The following DNAJC1 variants were observed in gnomAD, a reference collection of about 807,000 sequenced individuals.
DNAJC1 encodes the protein DnaJ heat shock protein family (Hsp40) member C1.
A neutral mutation model predicts 76.6 loss-of-function variants in DNAJC1; 58 were observed. The ratio of observed to expected loss-of-function variants is 0.76; its 90% CI spans 0.61 to 0.94. The LOEUF (loss-of-function observed/expected upper bound fraction) is 0.94, where lower values mean the gene tolerates loss of function less well. Ranked by LOEUF, DNAJC1 falls within the 40% of genes least tolerant of loss-of-function variation. The probability of loss-of-function intolerance (pLI) is 0.00; values close to 1 mark genes in which losing one functional copy is unlikely to be tolerated. For missense variants in DNAJC1, 689 were observed against 677.3 expected, an observed-to-expected ratio of 1.02 and a Z score of -0.19; for synonymous variants, 258 against 267.9, an observed-to-expected ratio of 0.96 and a Z score of 0.36.
intron 7 of DNAJC1, among the ~76,000 whole-genome samples, chr10:21,893,878 ACAAAGAAC>A (rs1836496165): frequency 6.6e-6 from 1 of 152,096 alleles, no homozygotes; most frequent in African/African-American, 2.4e-5. Flanking sequence ...AATCAATTAA[ACAAAGAAC>A]TGATCCTTTG....
intron 7 of DNAJC1, among the ~76,000 whole-genome samples, chr10:21,889,713 C>T (rs76610045): frequency 0.028 from 4,230 of 152,252 alleles, 88 homozygotes; most frequent in Middle Eastern, 0.061. Flanking sequence ...GAAACACTAA[C>T]AGGCACAGAC....
At chr10:21,919,377 T>G (rs2131767971) in intron 5 of DNAJC1, among the ~76,000 whole-genome samples, 1 of 152,158 alleles carries the variant, frequency 6.6e-6, no homozygotes, top group East Asian at 1.9e-4. Flanking sequence ...CAGAATAGTC[T>G]CTGATCTCCA....
intron 9 of DNAJC1, among the ~76,000 whole-genome samples, chr10:21,801,616 A>G (rs1834814215): frequency 1.3e-5 from 2 of 152,146 alleles, no homozygotes; most frequent in South Asian, 4.1e-4. Flanking sequence ...CCTTTCTTTG[A>G]CTCAGCAATC....
intron 7 of DNAJC1, among the ~76,000 whole-genome samples, chr10:21,883,251 A>AAC (rs3032395): frequency 0.054 from 6,912 of 128,860 alleles, 272 homozygotes; most frequent in African/African-American, 0.1. Flanking sequence ...TTCTATCTCA[A>AAC]ACACACACAC....
At chr10:21,945,237 T>A (rs183601287) in intron 1 of DNAJC1, among the ~76,000 whole-genome samples, 21 of 152,314 alleles carry the variant, frequency 1.4e-4, no homozygotes, top group African/African-American at 4.8e-4. Flanking sequence ...GGACCAGCTA[T>A]TATGAAAATC....
At chr10:21,842,296 C>G (rs1437116004) in intron 8 of DNAJC1, among the ~76,000 whole-genome samples, 3 of 150,044 alleles carry the variant, frequency 2.0e-5, no homozygotes, top group Non-Finnish European at 4.5e-5. Context: ...ATAGGATGAA[C>G]TGACAGGATA....
chr10:21,786,383 A>T (rs1468652185), intron 9 of DNAJC1, among the ~76,000 whole-genome samples: 1 of 146,928 alleles, frequency 6.8e-6, no homozygotes, highest in Non-Finnish European at 1.5e-5. Flanking sequence ...ATCTCTTGAA[A>T]ATTCATTTCA....
At chr10:21,898,955 T>C (rs919312256) in intron 7 of DNAJC1, among the ~76,000 whole-genome samples, 3 of 152,014 alleles carry the variant, frequency 2.0e-5, no homozygotes, top group South Asian at 2.1e-4. Context: ...GGTTCTCACA[T>C]TGGGACTGAC....
At chr10:21,787,319 T>C (rs538687068) in intron 9 of DNAJC1, among the ~76,000 whole-genome samples, 1 of 148,148 alleles carries the variant, frequency 6.8e-6, no homozygotes, top group South Asian at 2.1e-4. Context: ...CAGAGTGAGA[T>C]TCCGTCACAA....
At chr10:21,950,397 T>G (rs1049604969) in intron 1 of DNAJC1, among the ~76,000 whole-genome samples, 16 of 152,194 alleles carry the variant, frequency 1.1e-4, no homozygotes, top group Admixed American at 2.0e-4. Flanking sequence ...AATCAATAAA[T>G]GTTGTATGTG....
chr10:21,974,305 T>C (rs1838029439), intron 1 of DNAJC1, among the ~76,000 whole-genome samples: 1 of 152,112 alleles, frequency 6.6e-6, no homozygotes, highest in Admixed American at 6.5e-5. Flanking sequence ...GAATGTCAAA[T>C]ACCGATTAGG....
At chr10:21,768,529 A>G (rs532686469) in intron 9 of DNAJC1, among the ~76,000 whole-genome samples, 2 of 152,342 alleles carry the variant, frequency 1.3e-5, no homozygotes, top group South Asian at 4.1e-4. Context: ...AACCCTTAGC[A>G]TGATACCTGG....
chr10:21,921,087 C>A (rs751012832), intron 3 of DNAJC1, 124 bp from the exon 4 acceptor site: 2 of 817,448 alleles, frequency 2.4e-6, no homozygotes, highest in Non-Finnish European at 3.6e-6. Flanking sequence ...TGTTTATGTA[C>A]GTTCCCAGCA....
intron 8 of DNAJC1, among the ~76,000 whole-genome samples, chr10:21,809,931 T>C (rs1198891146): frequency 6.6e-6 from 1 of 151,498 alleles, no homozygotes; most frequent in South Asian, 2.1e-4. Flanking sequence ...AGTCTTCACA[T>C]GGCCTTTCAT....
chr10:21,839,205 G>A (rs903089078), intron 8 of DNAJC1, among the ~76,000 whole-genome samples: 1 of 152,112 alleles, frequency 6.6e-6, no homozygotes, highest in East Asian at 1.9e-4. Context: ...AAAAGCAAGA[G>A]CAAACACATT....
At chr10:21,830,605 CA>C (rs1443736002) in intron 8 of DNAJC1, among the ~76,000 whole-genome samples, 2 of 152,098 alleles carry the variant, frequency 1.3e-5, no homozygotes, top group African/African-American at 4.8e-5. Context: ...ATGTACTACT[CA>C]AATACAAAGA....
At chr10:21,819,889 C>T (rs1835129349) in intron 8 of DNAJC1, among the ~76,000 whole-genome samples, 1 of 152,182 alleles carries the variant, frequency 6.6e-6, no homozygotes, top group Non-Finnish European at 1.5e-5. Flanking sequence ...GAGATCACGC[C>T]ACTGCACTCC....
At chr10:21,943,897 T>C (rs775456939) in intron 1 of DNAJC1, among the ~76,000 whole-genome samples, 7 of 149,474 alleles carry the variant, frequency 4.7e-5, no homozygotes, top group Non-Finnish European at 7.4e-5. Flanking sequence ...TTCAAATCCA[T>C]GCCACATCAG....
chr10:21,865,336 A>G (rs2131702518), intron 8 of DNAJC1: 1 of 152,286 alleles, frequency 6.6e-6, no homozygotes, highest in South Asian at 2.1e-4. Flanking sequence ...TCCATGAAAT[A>G]GTGAATGAAT....
Sources: allele counts gnomAD v4.1 joint callset (sites outside exome capture counted in the v4.1 genomes callset), GRCh38; gene constraint gnomAD v4.1.1; transcripts MANE v1.5; gene names NCBI Gene and HGNC (gene_info 2026-07-23, HGNC 2026-07-21).